SCAPER: variants seen among roughly 807,000 people sequenced by gnomAD.
SCAPER encodes S-phase cyclin A associated protein in the ER.
In SCAPER, 98 loss-of-function variants were observed where a neutral mutation model predicts 182.2. The ratio of observed to expected loss-of-function variants is 0.54; its 90% confidence interval spans 0.46 to 0.64. SCAPER has a LOEUF of 0.64. Ranked by LOEUF, SCAPER falls within the 30% of genes least tolerant of loss-of-function variation. The probability of loss-of-function intolerance (pLI) is 0.00; values close to 1 mark genes in which losing one functional copy is unlikely to be tolerated. For synonymous variants in SCAPER, 605 were observed against 564.6 expected (o/e 1.07, Z -1.01); for missense variants, 1,432 against 1,690.0 (o/e 0.85, Z 2.68).
intron 23 of SCAPER, among the ~76,000 whole-genome samples, chr15:76,551,033 G>A (rs2045725895): frequency 6.6e-6 from 1 of 152,000 alleles, no homozygotes; most frequent in South Asian, 2.1e-4. Context: ...ATCTAGAATG[G>A]CTATTATCAG....
At chr15:76,744,608 CTAT>C (rs1431323306) in intron 15 of SCAPER, among the ~76,000 whole-genome samples, 1 of 152,040 alleles carries the variant, frequency 6.6e-6, no homozygotes, top group Non-Finnish European at 1.5e-5. Context: ...GTCAGAATGG[CTAT>C]TATTAAAAAG....
At position 76,804,523 on chromosome 15, in the gene SCAPER, A is replaced by G. The variant is rs2066005762; in HGVS notation, c.494+10T>C. On this transcript the variant is annotated intron_variant, in intron 6 of 31. Coordinates refer to ENST00000563290, the MANE Select transcript of SCAPER (RefSeq NM_020843.4). ...GATGATAGGAAGATTGAGACCAGAG[A>G]GCTCATTACCTGCTTTGAGCATCTG... 7 of 1,569,084 alleles carry G rather than the reference A, an allele frequency of 4.5e-6. No homozygotes were observed. The highest frequency in any genetic ancestry group is 5.2e-6 in the Non-Finnish European group (6 of 1,145,966).
chr15:76,822,541 T>C (rs1039399503), intron 5 of SCAPER, among the ~76,000 whole-genome samples: 5 of 152,234 alleles, frequency 3.3e-5, no homozygotes, highest in African/African-American at 1.2e-4. Context: ...CTTCCAAAGA[T>C]AAATTTTAAA....
At chr15:76,632,594 T>C (rs930755305) in intron 21 of SCAPER, among the ~76,000 whole-genome samples, 2 of 152,164 alleles carry the variant, frequency 1.3e-5, no homozygotes, top group Non-Finnish European at 2.9e-5. Flanking sequence ...TTCTGAAGCC[T>C]ACTTCTGTCA....
At chr15:76,871,997 AAG>A (rs1451644551) in intron 2 of SCAPER, among the ~76,000 whole-genome samples, 1 of 152,202 alleles carries the variant, frequency 6.6e-6, no homozygotes, top group Non-Finnish European at 1.5e-5. Context: ...TTAAAAATAA[AAG>A]AGGAAAAACA....
intron 27 of SCAPER, chr15:76,385,291 G>A (rs1007451383): frequency 6.6e-6 from 1 of 152,176 alleles, no homozygotes; most frequent in African/African-American, 2.4e-5. Context: ...AAAAGCAGCT[G>A]TGACAGTTCC....
At chr15:76,638,149 T>A (rs955137314) in intron 21 of SCAPER, among the ~76,000 whole-genome samples, 1 of 152,164 alleles carries the variant, frequency 6.6e-6, no homozygotes, top group Non-Finnish European at 1.5e-5. Flanking sequence ...TAATTTTGAT[T>A]TAATCCAATT....
intron 1 of SCAPER, among the ~76,000 whole-genome samples, chr15:76,889,644 A>C (rs1176892389): frequency 6.6e-6 from 1 of 152,230 alleles, no homozygotes; most frequent in Non-Finnish European, 1.5e-5. Context: ...ATACGCACCC[A>C]ATACATGGAC....
intron 7 of SCAPER, among the ~76,000 whole-genome samples, chr15:76,796,446 TAATG>T (rs901964725): frequency 1.3e-5 from 2 of 152,190 alleles, no homozygotes; most frequent in Non-Finnish European, 2.9e-5. Flanking sequence ...TGAGTTAAAA[TAATG>T]AAAACAATTC....
chr15:76,517,903 T>TA lies in SCAPER; in HGVS notation c.2839-12930dup, dbSNP rs35628491. 1.8e-3 allele frequency among the ~76,000 whole-genome samples: 258 copies of TA among 145,364 alleles called. 1 individual carries two copies. Among genetic ancestry groups the TA allele is most frequent in the African/African-American group, 3.4e-3 (136 of 39,780 alleles). On this transcript the variant is annotated intron_variant, in intron 23 of 31. Coordinates refer to ENST00000563290, the MANE Select transcript of SCAPER (RefSeq NM_020843.4). ...TCTTATATTAGCATTCACTAGCAGC[T>TA]AAAAAAAAAAATCCTTGAAATAATC...
intron 22 of SCAPER, among the ~76,000 whole-genome samples, chr15:76,611,327 GA>G (rs1219775313): frequency 6.6e-6 from 1 of 151,856 alleles, no homozygotes; most frequent in Non-Finnish European, 1.5e-5. Flanking sequence ...AGAAAAAAAT[GA>G]AAAAGAAATT....
intron 21 of SCAPER, among the ~76,000 whole-genome samples, chr15:76,663,010 A>G (rs1442852482): frequency 6.6e-6 from 1 of 152,134 alleles, no homozygotes; most frequent in Non-Finnish European, 1.5e-5. Flanking sequence ...TATTATAAAG[A>G]AAATGTATAT....
Position 76,883,864 on chromosome 15 carries a change from T to TG in SCAPER, c.-48dup. ...CAAGATCATTTATCACATAAACCCATGGAGTATGACTCCTACAATAAAAAA... is the reference window on the plus strand; with the variant it reads ...CAAGATCATTTATCACATAAACCCATGGGAGTATGACTCCTACAATAAAAAA... On this transcript the variant is annotated 5_prime_UTR_variant, in exon 2 of 32. Transcript: ENST00000563290. 1 of 1,413,456 alleles carries TG rather than the reference T, an allele frequency of 7.1e-7. No homozygotes were observed. The highest frequency in any genetic ancestry group is 1.4e-5 in the South Asian group (1 of 73,806). The allele number at this position is 1,413,456 out of a possible 1,614,324, so 87.6% of individuals were successfully genotyped here.
rs1194511254 is a variant in SCAPER, at chr15:76,508,069, C to A, written c.2839-3095G>T. Among the ~76,000 whole-genome samples, 3 of 150,590 alleles carry A rather than the reference C, an allele frequency of 2.0e-5. 1 individual carries two copies. Among genetic ancestry groups the A allele is most frequent in the East Asian group, 3.9e-4 (2 of 5,184 alleles). On this transcript the variant is annotated intron_variant, in intron 23 of 31. Transcript: ENST00000563290. ...AGTATGCCTTGGTATCCCTTGTGCCCATCTTATTCACTGTCTCTTCCTTGT... is the reference window on the plus strand; with the variant it reads ...AGTATGCCTTGGTATCCCTTGTGCCAATCTTATTCACTGTCTCTTCCTTGT...
intron 26 of SCAPER, among the ~76,000 whole-genome samples, chr15:76,424,150 G>C (rs1367739447): frequency 6.6e-6 from 1 of 152,204 alleles, no homozygotes; most frequent in Non-Finnish European, 1.5e-5. Flanking sequence ...TTGGTGCAGA[G>C]CTGAGTTCAA....
At chr15:76,880,862 T>C (rs1813861050) in intron 2 of SCAPER, among the ~76,000 whole-genome samples, 1 of 152,060 alleles carries the variant, frequency 6.6e-6, no homozygotes, top group South Asian at 2.1e-4. Context: ...CGATTACCCA[T>C]GCACCCATTA....
chr15:76,777,564 C>T (rs1375499703), intron 8 of SCAPER, among the ~76,000 whole-genome samples: 1 of 152,002 alleles, frequency 6.6e-6, no homozygotes. Context: ...CATGGTGGCA[C>T]ATGCCTGTAA....
chr15:76,618,908 G>A (rs1009678688), intron 22 of SCAPER, among the ~76,000 whole-genome samples: 3 of 152,132 alleles, frequency 2.0e-5, no homozygotes, highest in Admixed American at 6.5e-5. Flanking sequence ...ATAGTGGCAC[G>A]ATCTCAGCTC....
At chr15:76,541,750 A>G (rs748824218) in intron 23 of SCAPER, among the ~76,000 whole-genome samples, 6 of 152,186 alleles carry the variant, frequency 3.9e-5, no homozygotes, top group Non-Finnish European at 7.4e-5. Context: ...AAATACTCCA[A>G]TGAGGGCTTG....
Sources: allele counts gnomAD v4.1 joint callset (sites outside exome capture counted in the v4.1 genomes callset), GRCh38; gene constraint gnomAD v4.1.1; transcripts MANE v1.5; gene names NCBI Gene and HGNC (gene_info 2026-07-23, HGNC 2026-07-21).